The following DLAT variants were observed in gnomAD, a reference collection of about 807,000 sequenced individuals.
DLAT encodes dihydrolipoyllysine-residue acetyltransferase component of pyruvate dehydrogenase complex, mitochondrial.
A neutral mutation model predicts 68.0 loss-of-function variants in DLAT; 43 were observed. The observed-to-expected ratio is 0.63, with a 90% CI of 0.50 to 0.81. DLAT has a LOEUF of 0.81. DLAT is among the 40% of genes least tolerant of loss of function. The probability of loss-of-function intolerance (pLI) is 0.00; values close to 1 mark genes in which losing one functional copy is unlikely to be tolerated. For missense variants in DLAT, 745 were observed against 815.4 expected, an observed-to-expected ratio of 0.91 and a Z score of 1.05; for synonymous variants, 265 against 288.6, an observed-to-expected ratio of 0.92 and a Z score of 0.83.
Position 112,039,415 on chromosome 11 carries a change from G to C in DLAT, c.1129+18G>C. 6.2e-7 allele frequency: 1 copy of C among 1,613,272 alleles called. No individual in the cohort carries two copies. The highest frequency in any genetic ancestry group is 1.1e-5 in the South Asian group (1 of 91,028). ...AGTAAAAGGTAAATCTGTTTCTATA[G>C]AATGGACTTTATAAAGTTAAAATTT... On this transcript the variant is annotated intron_variant, in intron 7 of 13. Coordinates refer to ENST00000280346, the MANE Select transcript of DLAT (RefSeq NM_001931.5).
In DLAT at chr11:112,062,919, A is replaced by G; in HGVS notation, c.*384A>G. ...AAGTTCTGAAATTTAACTGCCTAAA[A>G]TGTTCTCCTTAGATGTGAGAGAAAG... On this transcript the variant is annotated 3_prime_UTR_variant, in exon 14 of 14. Coordinates refer to ENST00000280346, the MANE Select transcript of DLAT (RefSeq NM_001931.5). 1 of 236,410 alleles carries G rather than the reference A, an allele frequency of 4.2e-6. No homozygotes were observed. The highest frequency in any genetic ancestry group is 5.7e-5 in the South Asian group (1 of 17,654). 14.6% of individuals were successfully genotyped at this position (236,410 alleles called of 1,614,324 possible).
At chr11:112,027,523 C>T (rs1430633230) in intron 2 of DLAT, among the ~76,000 whole-genome samples, 7 of 151,754 alleles carry the variant, frequency 4.6e-5, no homozygotes, top group Admixed American at 6.5e-5. Context: ...GCTGCAATCT[C>T]GGCACTTTGG....
At chr11:112,036,220 T>G (rs1555180460) in intron 5 of DLAT, among the ~76,000 whole-genome samples, 3 of 111,928 alleles carry the variant, frequency 2.7e-5, no homozygotes, top group Admixed American at 9.2e-5. Context: ...TTTTTTTTTT[T>G]TTTTTTTTTT....
chr11:112,057,697 A>G (rs1864184285), intron 11 of DLAT, among the ~76,000 whole-genome samples: 1 of 152,208 alleles, frequency 6.6e-6, no homozygotes, highest in South Asian at 2.1e-4. Context: ...AGGTTGGCTC[A>G]TGAGGTTGAA....
At chr11:112,035,237 C>T (rs587698010) in intron 5 of DLAT, among the ~76,000 whole-genome samples, 2 of 152,228 alleles carry the variant, frequency 1.3e-5, no homozygotes, top group African/African-American at 2.4e-5. Flanking sequence ...CAGGACCTTA[C>T]AGCCCTGCCT....
At chr11:112,047,615 T>G (rs1434882303) in intron 10 of DLAT, among the ~76,000 whole-genome samples, 1 of 152,254 alleles carries the variant, frequency 6.6e-6, no homozygotes, top group African/African-American at 2.4e-5. Flanking sequence ...GTTTAAGTCT[T>G]TAATCCATCT....
rs587605312 is a variant in DLAT, at chr11:112,063,296, T to G, written c.*761T>G. The G allele has an allele frequency of 2.0e-5, 3 of 152,330 alleles. No homozygotes were observed. Among genetic ancestry groups the G allele is most frequent in the Admixed American group, 1.3e-4 (2 of 15,300 alleles). The allele number at this position is 152,330 out of a possible 1,614,324, so 9.4% of individuals were successfully genotyped here. ...AACAGTTACCTCCAAAAAAGAAACATTGTTAATATAATTTAACAGAAGTTG... is the reference window on the plus strand; with the variant it reads ...AACAGTTACCTCCAAAAAAGAAACAGTGTTAATATAATTTAACAGAAGTTG... On this transcript the variant is annotated 3_prime_UTR_variant, in exon 14 of 14. Coordinates refer to ENST00000280346, the MANE Select transcript of DLAT (RefSeq NM_001931.5).
chr11:112,031,505 C>A (rs587680637), intron 4 of DLAT, among the ~76,000 whole-genome samples: 1 of 152,134 alleles, frequency 6.6e-6, no homozygotes, highest in Non-Finnish European at 1.5e-5. Context: ...CAACCTCTGC[C>A]TCCTGGGTTC....
At chr11:112,050,020 G>A (rs1863525366) in intron 10 of DLAT, among the ~76,000 whole-genome samples, 2 of 152,168 alleles carry the variant, frequency 1.3e-5, no homozygotes, top group African/African-American at 4.8e-5. Flanking sequence ...GGTTTCCATA[G>A]ATCAGGTTGA....
chr11:112,062,696 A>G lies in DLAT; in HGVS notation c.*161A>G. The stretch of plus-strand genomic sequence containing the variant: ...TATAATGGGCATTACTGAATTTTTA[A>G]AATGCCGATTACACCCAAATATTGT... On this transcript the variant is annotated 3_prime_UTR_variant, in exon 14 of 14. Coordinates refer to ENST00000280346, the MANE Select transcript of DLAT (RefSeq NM_001931.5). 3 of 814,456 alleles carry G rather than the reference A, an allele frequency of 3.7e-6. No individual in the cohort carries two copies. The highest frequency in any genetic ancestry group is 1.9e-6 in the Non-Finnish European group (1 of 522,250). 50.5% of individuals were successfully genotyped at this position (814,456 alleles called of 1,614,324 possible).
Position 112,052,909 on chromosome 11 carries a change from G to A in DLAT, c.1514+1560G>A, listed in dbSNP as rs12575947. On this transcript the variant is annotated intron_variant, in intron 11 of 13. Transcript: ENST00000280346. ...CCGTCATGGAGCTTATTATATAAGG[G>A]CTCATTATAAATAACAAAACATACT... Among the ~76,000 whole-genome samples, 239 of 152,132 alleles carry A rather than the reference G, an allele frequency of 1.6e-3. 8 individuals carry two copies. In the East Asian group the frequency reaches 0.044, roughly 28 times the overall value.
At chr11:112,044,990 G>T in intron 8 of DLAT, 148 bp from the exon 9 acceptor site, 1 of 700,798 alleles carries the variant, frequency 1.4e-6, no homozygotes, top group Admixed American at 2.0e-5. Flanking sequence ...AACCATGATT[G>T]AGCCACTGCA....
Position 112,062,978 on chromosome 11 carries a change from G to T in DLAT, c.*443G>T. 6.1e-6 allele frequency: 1 copy of T among 163,676 alleles called. No homozygotes were observed. Among genetic ancestry groups the T allele is most frequent in the Admixed American group, 5.8e-5 (1 of 17,240 alleles). The allele number at this position is 163,676 out of a possible 1,614,324, so 10.1% of individuals were successfully genotyped here. On this transcript the variant is annotated 3_prime_UTR_variant, in exon 14 of 14. Transcript: ENST00000280346. ...GAAAAATTAATTCTCTTGGGGGAAG[G>T]GCTTGAATTGAAGCTTTACTTTAGA...
At position 112,064,164 on chromosome 11, in the gene DLAT, A is replaced by G; in HGVS notation, c.*1629A>G. The G allele has an allele frequency of 6.4e-7, 1 of 1,563,906 alleles. No individual in the cohort carries two copies. Among genetic ancestry groups the G allele is most frequent in the South Asian group, 1.2e-5 (1 of 84,064 alleles). On this transcript the variant is annotated 3_prime_UTR_variant, in exon 14 of 14. Coordinates refer to ENST00000280346, the MANE Select transcript of DLAT (RefSeq NM_001931.5). Reference sequence around the variant, plus strand: ...TCAATATGATCCAAATCTGGTTCAAACATTCAAAACTTCAAAGATAATTCA... The same window carrying G: ...TCAATATGATCCAAATCTGGTTCAAGCATTCAAAACTTCAAAGATAATTCA...
chr11:112,032,282 A>G (rs1862456158), intron 4 of DLAT, among the ~76,000 whole-genome samples: 2 of 151,842 alleles, frequency 1.3e-5, no homozygotes, highest in Admixed American at 1.3e-4. Flanking sequence ...AAAAAAAATT[A>G]TCAAATAAAA....
intron 9 of DLAT, 122 bp from the exon 10 acceptor site, chr11:112,045,741 T>C (rs1555181418): frequency 1.5e-6 from 1 of 676,610 alleles, no homozygotes; most frequent in Non-Finnish European, 2.6e-6. Flanking sequence ...CCTCCATCTT[T>C]CAATTATAAT....
intron 4 of DLAT, among the ~76,000 whole-genome samples, chr11:112,030,823 A>G (rs1862352523): frequency 6.6e-6 from 1 of 152,144 alleles, no homozygotes; most frequent in Non-Finnish European, 1.5e-5. Context: ...TTTGTATAGG[A>G]ATCTTTTTCT....
At chr11:112,053,857 C>T (rs1385803784) in intron 11 of DLAT, among the ~76,000 whole-genome samples, 1 of 152,056 alleles carries the variant, frequency 6.6e-6, no homozygotes, top group Admixed American at 6.6e-5. Flanking sequence ...ATTTATTTTA[C>T]TTTATTGACT....
Position 112,027,655 on chromosome 11 carries a change from C to T in DLAT, c.382-860C>T, listed in dbSNP as rs587690067. On this transcript the variant is annotated intron_variant, in intron 2 of 13. Transcript: ENST00000280346. Reference sequence around the variant, plus strand: ...GACTCCGTCTGCAATCCCGGCACCTCGGGAGGCCAAGGCTGGCGGATCACT... The same window carrying T: ...GACTCCGTCTGCAATCCCGGCACCTTGGGAGGCCAAGGCTGGCGGATCACT... Among the ~76,000 whole-genome samples, 23 of 152,208 alleles carry T rather than the reference C, an allele frequency of 1.5e-4. No homozygotes were observed. The East Asian group carries it at 4.3e-3, about 28-fold the overall frequency.
Sources: gnomAD v4.1 joint callset for allele counts (sites outside exome capture counted in the v4.1 genomes callset) on GRCh38, gnomAD v4.1.1 for gene constraint, MANE v1.5 for transcripts, NCBI Gene and HGNC (gene_info 2026-07-23, HGNC 2026-07-21) for gene names.